The following NAV2 variants were observed in gnomAD, a reference collection of about 807,000 sequenced individuals.
NAV2 encodes the protein helicase, APC down-regulated 1.
In NAV2, 54 loss-of-function variants were observed where a neutral mutation model predicts 223.2. The ratio of observed to expected loss-of-function variants is 0.24; its 90% CI spans 0.19 to 0.30. NAV2 has a LOEUF of 0.30. Among genes scored for constraint, NAV2 ranks in the 10% least tolerant of loss-of-function variants. NAV2 has a pLI of 1.00. For synonymous variants in NAV2, 1,279 were observed against 1,239.3 expected (o/e 1.03, Z -0.67); for missense variants, 2,806 against 3,147.5 (o/e 0.89, Z 2.60).
chr11:19,604,974 C>G (rs986673109), intron 1 of NAV2, among the ~76,000 whole-genome samples: 2 of 152,172 alleles, frequency 1.3e-5, no homozygotes, highest in African/African-American at 4.8e-5. Context: ...CCTCCCCAGC[C>G]ATGTGGAACT....
At chr11:20,053,753 GTCA>G (rs1255168356) in intron 17 of NAV2, among the ~76,000 whole-genome samples, 2 of 152,172 alleles carry the variant, frequency 1.3e-5, no homozygotes, top group Non-Finnish European at 2.9e-5. Flanking sequence ...CTTCAGTCCT[GTCA>G]AGGTGGGGGC....
intron 6 of NAV2, among the ~76,000 whole-genome samples, chr11:19,909,157 G>A (rs965681): frequency 0.31 from 46,921 of 151,844 alleles, 10,679 homozygotes; most frequent in African/African-American, 0.63. Flanking sequence ...GTTTCCCCTC[G>A]ATAAAAAAAA....
intron 4 of NAV2, among the ~76,000 whole-genome samples, chr11:19,878,913 T>A (rs1316005408): frequency 6.6e-6 from 1 of 152,164 alleles, no homozygotes; most frequent in Non-Finnish European, 1.5e-5. Flanking sequence ...CTTTCTTGCT[T>A]CACGTCTGCC....
At chr11:19,694,279 C>T (rs80066524) in intron 1 of NAV2, among the ~76,000 whole-genome samples, 19 of 152,196 alleles carry the variant, frequency 1.2e-4, no homozygotes, top group African/African-American at 4.3e-4. Context: ...AAATTACACC[C>T]ACTGCAAGGC....
chr11:19,896,754 T>C (rs1205007195), intron 6 of NAV2, among the ~76,000 whole-genome samples: 1 of 152,216 alleles, frequency 6.6e-6, no homozygotes, highest in Non-Finnish European at 1.5e-5. Flanking sequence ...ATTTCAACAT[T>C]TAGTCCCAAT....
rs1405010440 is a variant in NAV2 at position 19,393,908 on chromosome 11, T to TTTTC, written c.75+42884_75+42885insCTTT. ...TATAACTTAAGGGTTTTTTTTTTCT[T>TTTTC]TTTTTTTTTTTAGGTCAAATCTCAC... On this transcript the variant is annotated intron_variant, in intron 1 of 37. Transcript: ENST00000360655. 1.7e-4 allele frequency among the ~76,000 whole-genome samples: 25 copies of TTTTC among 148,752 alleles called. 1 individual carries two copies. The highest frequency in any genetic ancestry group is 3.1e-4 in the Non-Finnish European group (21 of 67,558).
At chr11:19,401,990 A>C (rs754874858) in intron 1 of NAV2, 1 of 152,192 alleles carries the variant, frequency 6.6e-6, no homozygotes, top group African/African-American at 2.4e-5. Flanking sequence ...ACATGCATGC[A>C]CACAAATTTC....
intron 10 of NAV2, among the ~76,000 whole-genome samples, chr11:19,950,983 C>T (rs535293142): frequency 1.4e-4 from 21 of 152,290 alleles, no homozygotes; most frequent in Non-Finnish European, 2.6e-4. Flanking sequence ...CTGCCTTCTG[C>T]GTATGGGGCA....
intron 6 of NAV2, among the ~76,000 whole-genome samples, chr11:19,919,868 T>C (rs545603691): frequency 6.6e-6 from 1 of 152,264 alleles, no homozygotes; most frequent in East Asian, 1.9e-4. Flanking sequence ...ACACGGTGGC[T>C]CACGCCTGTA....
chr11:19,625,674 A>G (rs2047148828), intron 1 of NAV2, among the ~76,000 whole-genome samples: 1 of 152,176 alleles, frequency 6.6e-6, no homozygotes, highest in South Asian at 2.1e-4. Flanking sequence ...CCAAAAATGT[A>G]TGAGTTCCCT....
At chr11:19,775,894 C>G (rs1253083140) in intron 1 of NAV2, among the ~76,000 whole-genome samples, 4 of 152,104 alleles carry the variant, frequency 2.6e-5, no homozygotes, top group Non-Finnish European at 4.4e-5. Context: ...GGTGGGAGAC[C>G]AGGTTGCAGG....
At chr11:19,862,743 C>G (rs933877353) in intron 3 of NAV2, among the ~76,000 whole-genome samples, 1 of 152,104 alleles carries the variant, frequency 6.6e-6, no homozygotes, top group Admixed American at 6.6e-5. Context: ...TGTGAGGTTG[C>G]TAGGCCCCCA....
chr11:20,107,043 A>G lies in NAV2; in HGVS notation c.6842-621A>G, dbSNP rs896739852. ...ACTGTTTCTGTTCTTTTGGACTTGCAGTCATGGGCTTCCATTTTTTTTTTT... is the reference window on the plus strand; with the variant it reads ...ACTGTTTCTGTTCTTTTGGACTTGCGGTCATGGGCTTCCATTTTTTTTTTT... On this transcript the variant is annotated intron_variant, in intron 35 of 37. Transcript: ENST00000349880. 2.3e-5 allele frequency among the ~76,000 whole-genome samples: 3 copies of G among 130,710 alleles called. No homozygotes were observed. The Admixed American group carries it at 2.3e-4, about 10-fold the overall frequency. The allele number at this position is 130,710 out of a possible 152,430, so 85.8% of individuals were successfully genotyped here.
intron 1 of NAV2, among the ~76,000 whole-genome samples, chr11:19,558,093 G>A (rs1479801998): frequency 6.6e-6 from 1 of 152,162 alleles, no homozygotes; most frequent in Non-Finnish European, 1.5e-5. Flanking sequence ...TTTAAAACCT[G>A]CTGTTATTTA....
intron 36 of NAV2, 27 bp from the exon 37 acceptor site, chr11:20,114,565 G>A (rs2062895404): frequency 1.9e-6 from 3 of 1,612,020 alleles, no homozygotes; most frequent in Non-Finnish European, 2.5e-6. Flanking sequence ...GCCACTTCCA[G>A]ACTGTTCCTT....
intron 1 of NAV2, among the ~76,000 whole-genome samples, chr11:19,434,782 A>G (rs570847169): frequency 9.9e-5 from 15 of 151,758 alleles, no homozygotes; most frequent in Non-Finnish European, 1.9e-4. Context: ...GGAAATATCA[A>G]TTGTCACGTG....
chr11:19,855,300 A>C (rs576693630), intron 3 of NAV2, among the ~76,000 whole-genome samples: 1 of 152,286 alleles, frequency 6.6e-6, no homozygotes, highest in Admixed American at 6.5e-5. Context: ...GGAAAAACTG[A>C]AGCTTAGGGA....
intron 17 of NAV2, among the ~76,000 whole-genome samples, chr11:20,053,218 G>GAAAAAAAAAAAAAAA (rs60421659): frequency 2.4e-5 from 1 of 40,974 alleles, no homozygotes; most frequent in African/African-American, 1.0e-4. Flanking sequence ...ACTACGTCTC[G>GAAAAAAAAAAAAAAA]AAAAAAAAAA....
In NAV2 at chr11:19,964,492, C is replaced by CATTTTTT. The variant is rs60424234; in HGVS notation, c.2645+15412_2645+15413insATTTTTT. Among the ~76,000 whole-genome samples, 376 of 146,652 alleles carry CATTTTTT rather than the reference C, an allele frequency of 2.6e-3. 9 individuals are homozygous for CATTTTTT. Among genetic ancestry groups the CATTTTTT allele is most frequent in the African/African-American group, 8.8e-3 (348 of 39,496 alleles). On this transcript the variant is annotated intron_variant, in intron 10 of 37. Coordinates refer to ENST00000349880, the MANE Select transcript of NAV2 (RefSeq NM_145117.5). ...TATATACATTATCTCTTTTCATCCT[C>CATTTTTT]TTTTTTTTTTTTTTTATGAGACAGG...
Sources: gnomAD v4.1 joint callset for allele counts (sites outside exome capture counted in the v4.1 genomes callset) on GRCh38, gnomAD v4.1.1 for gene constraint, MANE v1.5 for transcripts, NCBI Gene and HGNC (gene_info 2026-07-23, HGNC 2026-07-21) for gene names.